ARHGEF3: variants seen among roughly 807,000 people sequenced by gnomAD.
ARHGEF3 encodes Rho guanine nucleotide exchange factor 3.
ARHGEF3 carries 28 observed loss-of-function variants against 63.2 expected under a neutral mutation model. The ratio of observed to expected loss-of-function variants is 0.44; its 90% CI spans 0.33 to 0.61. The LOEUF (loss-of-function observed/expected upper bound fraction) is 0.61. Among genes scored for constraint, ARHGEF3 ranks in the 20% least tolerant of loss-of-function variants. ARHGEF3 has a pLI of 0.03. For synonymous variants in ARHGEF3, 266 were observed against 254.2 expected, an observed-to-expected ratio of 1.05 and a Z score of -0.44; for missense variants, 533 against 659.3, an observed-to-expected ratio of 0.81 and a Z score of 2.10.
chr3:56,815,190 G>T (rs2038225546), intron 4 of ARHGEF3, among the ~76,000 whole-genome samples: 1 of 151,658 alleles, frequency 6.6e-6, no homozygotes, highest in African/African-American at 2.4e-5. Flanking sequence ...TATACAATCT[G>T]GCCCTACCAT....
intron 4 of ARHGEF3, among the ~76,000 whole-genome samples, chr3:56,867,765 C>T (rs1314243691): frequency 6.6e-6 from 1 of 152,196 alleles, no homozygotes; most frequent in Non-Finnish European, 1.5e-5. Context: ...GCTACCGCGC[C>T]TGGCCTGGAA....
chr3:56,742,713 G>A (rs1343481791), intron 7 of ARHGEF3, among the ~76,000 whole-genome samples: 1 of 152,188 alleles, frequency 6.6e-6, no homozygotes, highest in Non-Finnish European at 1.5e-5. Flanking sequence ...TAGGCATTTG[G>A]AAGACTTGCT....
chr3:56,901,228 A>T (rs924221503), intron 3 of ARHGEF3, among the ~76,000 whole-genome samples: 1 of 152,316 alleles, frequency 6.6e-6, no homozygotes, highest in East Asian at 1.9e-4. Context: ...ATACATGGAT[A>T]AATGAATAAA....
chr3:57,027,727 C>T (rs550532881), intron 2 of ARHGEF3, among the ~76,000 whole-genome samples: 21 of 152,168 alleles, frequency 1.4e-4, no homozygotes, highest in East Asian at 5.8e-4. Context: ...GATGTGGTGA[C>T]GCACACCTGT....
At chr3:56,869,220 A>C (rs2040354622) in intron 4 of ARHGEF3, among the ~76,000 whole-genome samples, 1 of 152,192 alleles carries the variant, frequency 6.6e-6, no homozygotes, top group Admixed American at 6.6e-5. Flanking sequence ...TGTTGGGAAT[A>C]AACCCATTCA....
intron 1 of ARHGEF3, among the ~76,000 whole-genome samples, chr3:56,779,476 GTTTTTTTTTATTTTTT>G (rs1356004825): frequency 6.6e-6 from 1 of 150,856 alleles, no homozygotes; most frequent in Non-Finnish European, 1.5e-5. Context: ...AAAATAAAAA[GTTTTTTTTTATTTTTT>G]TTTTTTGTTT....
At chr3:56,907,676 A>T (rs1241197055) in intron 3 of ARHGEF3, among the ~76,000 whole-genome samples, 4 of 152,242 alleles carry the variant, frequency 2.6e-5, no homozygotes. Flanking sequence ...ACCATGGAAT[A>T]CTATGCAGCC....
chr3:56,801,888 T>C lies in ARHGEF3; in HGVS notation c.-90A>G. 6.6e-7 allele frequency: 1 copy of C among 1,524,888 alleles called. No individual in the cohort carries two copies. Among genetic ancestry groups the C allele is most frequent in the Non-Finnish European group, 8.8e-7 (1 of 1,131,498 alleles). 94.5% of individuals were successfully genotyped at this position (1,524,888 alleles called of 1,614,324 possible). On this transcript the variant is annotated 5_prime_UTR_variant, in exon 1 of 10. Coordinates refer to ENST00000296315, the MANE Select transcript of ARHGEF3 (RefSeq NM_019555.3). ...GCAAAAGGGGGCCCCAGCTCCACGA[T>C]GCCGGGCGGCGGCGGCGACACGGAG...
At chr3:57,032,861 A>G (rs769332848) in intron 2 of ARHGEF3, among the ~76,000 whole-genome samples, 46 of 152,038 alleles carry the variant, frequency 3.0e-4, no homozygotes, top group Admixed American at 1.6e-3. Flanking sequence ...CTCAGAAGAG[A>G]AAACAACGTA....
chr3:56,785,667 GT>G (rs2036766172), intron 1 of ARHGEF3, among the ~76,000 whole-genome samples: 1 of 152,212 alleles, frequency 6.6e-6, no homozygotes, highest in African/African-American at 2.4e-5. Flanking sequence ...GGAAAAAGAA[GT>G]AGGGAGATGA....
At chr3:56,840,111 T>C (rs1463136965) in intron 4 of ARHGEF3, among the ~76,000 whole-genome samples, 1 of 152,148 alleles carries the variant, frequency 6.6e-6, no homozygotes, top group African/African-American at 2.4e-5. Context: ...TTTTTAGCAC[T>C]TTGAGACAAA....
intron 3 of ARHGEF3, among the ~76,000 whole-genome samples, chr3:56,922,570 G>A (rs757926485): frequency 3.9e-5 from 6 of 152,120 alleles, no homozygotes; most frequent in Non-Finnish European, 7.3e-5. Context: ...AAAAAACAAT[G>A]CTTGACACAC....
chr3:56,817,374 T>C (rs1008255895), intron 4 of ARHGEF3, among the ~76,000 whole-genome samples: 9 of 152,152 alleles, frequency 5.9e-5, no homozygotes, highest in African/African-American at 2.2e-4. Flanking sequence ...AACCAACCAG[T>C]TGGAAAGACA....
intron 2 of ARHGEF3, among the ~76,000 whole-genome samples, chr3:56,992,191 T>C (rs923549788): frequency 1.3e-5 from 2 of 151,488 alleles, no homozygotes; most frequent in African/African-American, 4.9e-5. Flanking sequence ...CTCATCCTGC[T>C]AGTTCGCTCA....
At chr3:56,914,141 G>A (rs567126521) in intron 3 of ARHGEF3, among the ~76,000 whole-genome samples, 6 of 152,284 alleles carry the variant, frequency 3.9e-5, no homozygotes, top group African/African-American at 1.2e-4. Context: ...GGTGAGAGAG[G>A]AGTGAGGGAT....
intron 2 of ARHGEF3, chr3:57,035,074 T>C: frequency 2.0e-6 from 3 of 1,524,824 alleles, no homozygotes; most frequent in Non-Finnish European, 2.6e-6. Context: ...TTTAGGTTAT[T>C]TGATTATTTT....
intron 6 of ARHGEF3, among the ~76,000 whole-genome samples, chr3:56,746,880 C>G (rs1292520129): frequency 1.3e-5 from 2 of 152,172 alleles, no homozygotes; most frequent in African/African-American, 2.4e-5. Context: ...TAATATTTTA[C>G]AAGCTTACTA....
At chr3:56,882,715 C>T (rs1447094242) in intron 3 of ARHGEF3, among the ~76,000 whole-genome samples, 2 of 152,006 alleles carry the variant, frequency 1.3e-5, no homozygotes, top group Non-Finnish European at 2.9e-5. Flanking sequence ...GACAGGGTTT[C>T]ACCATGTTGG....
chr3:56,934,521 T>A (rs866232590), intron 3 of ARHGEF3, among the ~76,000 whole-genome samples: 6 of 152,186 alleles, frequency 3.9e-5, no homozygotes, highest in South Asian at 4.2e-4. Flanking sequence ...CCAGCTGGAG[T>A]TCCGGGTGGG....
Sources: gnomAD v4.1 joint callset for allele counts (sites outside exome capture counted in the v4.1 genomes callset) on GRCh38, gnomAD v4.1.1 for gene constraint, MANE v1.5 for transcripts, NCBI Gene and HGNC (gene_info 2026-07-23, HGNC 2026-07-21) for gene names.